PDE8B: variants seen among roughly 807,000 people sequenced by gnomAD.
PDE8B encodes the protein phosphodiesterase 8B, also known as high affinity cAMP-specific and IBMX-insensitive 3',5'-cyclic phosphodiesterase 8B.
Under a neutral mutation model 101.3 loss-of-function variants are expected in PDE8B, and 26 were observed. The ratio of observed to expected loss-of-function variants is 0.26; its 90% CI spans 0.19 to 0.36. PDE8B has a LOEUF of 0.36. Among genes scored for constraint, PDE8B ranks in the 10% least tolerant of loss-of-function variants. The probability of loss-of-function intolerance (pLI) is 1.00; values close to 1 mark genes in which losing one functional copy is unlikely to be tolerated. For missense variants in PDE8B, 810 were observed against 1,163.1 expected (o/e 0.70, Z 4.42); for synonymous variants, 424 against 429.3 (o/e 0.99, Z 0.15).
At chr5:77,317,682 C>T (rs887796275) in intron 2 of PDE8B, among the ~76,000 whole-genome samples, 1 of 152,110 alleles carries the variant, frequency 6.6e-6, no homozygotes, top group Non-Finnish European at 1.5e-5. Context: ...ATCAAGTGGC[C>T]TTTTCTTCAT....
chr5:77,150,039 C>T, the PDE8B span, among the ~76,000 whole-genome samples: 110 of 152,298 alleles, frequency 7.2e-4, no homozygotes, highest in African/African-American at 2.5e-3. Flanking sequence ...TGCTAGAGGA[C>T]GTGTAGCAGA....
the PDE8B span, among the ~76,000 whole-genome samples, chr5:77,168,327 C>T: frequency 1.8e-4 from 27 of 152,332 alleles, no homozygotes; most frequent in African/African-American, 5.3e-4. Flanking sequence ...CTTCCTGGCA[C>T]GGGGGCTGGA....
chr5:77,236,974 G>A (rs1168330255), intron 1 of PDE8B, among the ~76,000 whole-genome samples: 1 of 152,108 alleles, frequency 6.6e-6, no homozygotes, highest in Non-Finnish European at 1.5e-5. Flanking sequence ...TTTGCTAATT[G>A]TATATTTAGT....
chr5:77,302,234 G>A (rs1435815275), intron 1 of PDE8B, among the ~76,000 whole-genome samples: 1 of 152,158 alleles, frequency 6.6e-6, no homozygotes, highest in Non-Finnish European at 1.5e-5. Context: ...TTAGCAAGAC[G>A]ATGGCCTCTT....
At chr5:77,312,145 C>A in intron 2 of PDE8B, 92 bp downstream of exon 2, 1 of 898,896 alleles carries the variant, frequency 1.1e-6, no homozygotes, top group South Asian at 1.4e-5. Context: ...CTTCTGTTGC[C>A]CAGGCTGGAG....
At chr5:77,257,617 C>T (rs1257507138) in intron 1 of PDE8B, among the ~76,000 whole-genome samples, 1 of 152,142 alleles carries the variant, frequency 6.6e-6, no homozygotes, top group East Asian at 1.9e-4. Context: ...AATAAACCAA[C>T]ATTTATAGCC....
intron 11 of PDE8B, 109 bp downstream of exon 11, chr5:77,400,399 G>A: frequency 6.3e-6 from 5 of 794,776 alleles, no homozygotes; most frequent in Non-Finnish European, 1.1e-5. Context: ...CCAGAATGTG[G>A]AGTGCTAAAA....
intron 10 of PDE8B, among the ~76,000 whole-genome samples, chr5:77,384,176 G>C (rs1236959947): frequency 6.6e-6 from 1 of 152,068 alleles, no homozygotes; most frequent in Admixed American, 6.6e-5. Flanking sequence ...GTGGTTTGTA[G>C]CTCTCCTTGA....
intron 10 of PDE8B, among the ~76,000 whole-genome samples, chr5:77,368,652 G>C (rs767944856): frequency 7.2e-5 from 11 of 152,106 alleles, no homozygotes; most frequent in Non-Finnish European, 1.5e-4. Context: ...CTTTCCCCAA[G>C]GGCCTTACAC....
chr5:77,195,794 A>G, the PDE8B span, among the ~76,000 whole-genome samples: 3 of 152,180 alleles, frequency 2.0e-5, no homozygotes, highest in African/African-American at 2.4e-5. Context: ...TATATTTACT[A>G]TTCATTATGT....
intron 1 of PDE8B, among the ~76,000 whole-genome samples, chr5:77,228,128 A>T (rs1215495405): frequency 6.6e-6 from 1 of 152,094 alleles, no homozygotes; most frequent in Non-Finnish European, 1.5e-5. Flanking sequence ...TGTTAGTAGG[A>T]TTCACTTTTT....
intron 11 of PDE8B, 60 bp from the exon 12 acceptor site, chr5:77,404,660 A>C: frequency 5.2e-6 from 5 of 960,928 alleles, no homozygotes; most frequent in South Asian, 1.3e-5. Context: ...ACATGTTTGA[A>C]TCTCTTCTGT....
the PDE8B span, among the ~76,000 whole-genome samples, chr5:77,096,558 A>G: frequency 3.3e-5 from 5 of 152,180 alleles, no homozygotes; most frequent in Non-Finnish European, 7.3e-5. Flanking sequence ...AACTCCCTTC[A>G]TCAAGCCCTT....
At chr5:77,395,821 G>A (rs1790927351) in intron 10 of PDE8B, among the ~76,000 whole-genome samples, 1 of 149,280 alleles carries the variant, frequency 6.7e-6, no homozygotes, top group African/African-American at 2.5e-5. Flanking sequence ...GGCTATCCCT[G>A]TCATAAAGCC....
chr5:77,151,715 T>A, the PDE8B span, among the ~76,000 whole-genome samples: 1 of 152,330 alleles, frequency 6.6e-6, no homozygotes, highest in East Asian at 1.9e-4. Flanking sequence ...AAAGATACCC[T>A]TCTCACTCCT....
chr5:77,290,909 G>T (rs1361403845), intron 1 of PDE8B: 1 of 1,606,208 alleles, frequency 6.2e-7, no homozygotes, highest in East Asian at 2.2e-5. Flanking sequence ...AGGACAACAA[G>T]CTGCTTGGTG....
intron 1 of PDE8B, among the ~76,000 whole-genome samples, chr5:77,289,084 G>A (rs1255918318): frequency 2.0e-5 from 3 of 152,050 alleles, no homozygotes. Flanking sequence ...GTGGCTAATA[G>A]ACACGTCCAC....
chr5:77,155,943 T>C, the PDE8B span, among the ~76,000 whole-genome samples: 1 of 152,216 alleles, frequency 6.6e-6, no homozygotes, highest in Admixed American at 6.5e-5. Context: ...GTTATTTCTC[T>C]CTGCTGTCAG....
At chr5:77,373,234 C>T (rs1785387838) in intron 10 of PDE8B, among the ~76,000 whole-genome samples, 1 of 152,124 alleles carries the variant, frequency 6.6e-6, no homozygotes, top group Non-Finnish European at 1.5e-5. Flanking sequence ...CTTATTATTT[C>T]CTGCATCTCT....
Sources: gnomAD v4.1 joint callset for allele counts (sites outside exome capture counted in the v4.1 genomes callset) on GRCh38, gnomAD v4.1.1 for gene constraint, MANE v1.5 for transcripts, NCBI Gene and HGNC (gene_info 2026-07-23, HGNC 2026-07-21) for gene names.